JAK1: variants seen among roughly 807,000 people sequenced by gnomAD.
JAK1 encodes the protein tyrosine-protein kinase JAK1.
Under a neutral mutation model 136.6 loss-of-function variants are expected in JAK1, and 16 were observed. That is an observed-to-expected ratio of 0.12 (90% CI 0.08 to 0.18). The LOEUF is 0.18. Among genes scored for constraint, JAK1 ranks in the 10% least tolerant of loss-of-function variants. The pLI, the probability that JAK1 is intolerant of heterozygous loss-of-function variation, is 1.00. For synonymous variants in JAK1, 492 were observed against 519.5 expected, an observed-to-expected ratio of 0.95 and a Z score of 0.72; for missense variants, 859 against 1,450.1, an observed-to-expected ratio of 0.59 and a Z score of 6.62.
At chr1:64,875,290 A>C (rs1374257934) in intron 4 of JAK1, among the ~76,000 whole-genome samples, 1 of 152,238 alleles carries the variant, frequency 6.6e-6, no homozygotes, top group East Asian at 1.9e-4. Flanking sequence ...TGGACCATGC[A>C]AAGCAGGCAG....
intron 1 of JAK1, among the ~76,000 whole-genome samples, chr1:64,947,299 T>G (rs1381191484): frequency 6.6e-6 from 1 of 152,204 alleles, no homozygotes; most frequent in Non-Finnish European, 1.5e-5. Context: ...TAGAAACTTC[T>G]CATACCAGGT....
chr1:65,017,381 T>G (rs1485314302), intron 2 of JAK1, among the ~76,000 whole-genome samples: 2 of 152,088 alleles, frequency 1.3e-5, no homozygotes, highest in Admixed American at 1.3e-4. Context: ...GGTATGAGAA[T>G]TGCTTGAACC....
chr1:64,920,966 T>C (rs1322364688), intron 1 of JAK1, among the ~76,000 whole-genome samples: 1 of 152,218 alleles, frequency 6.6e-6, no homozygotes, highest in Non-Finnish European at 1.5e-5. Flanking sequence ...ACAGTCTAAG[T>C]TCTAAAAGCT....
At position 64,880,974 on chromosome 1, in the gene JAK1, T is replaced by G. The variant is rs148904056; in HGVS notation, c.206-1826A>C. On this transcript the variant is annotated intron_variant, in intron 3 of 24. Coordinates refer to ENST00000342505, the MANE Select transcript of JAK1 (RefSeq NM_002227.4). ...ACAAACAAACAAATAAATAAATAAA[T>G]AAATAATTTTTTGGCTGAGTTTGGT... Among the ~76,000 whole-genome samples the G allele has an allele frequency of 1.5e-4, 23 of 151,884 alleles. 1 individual carries two copies. In the East Asian group the frequency reaches 4.3e-3, roughly 28 times the overall value.
At chr1:64,873,239 G>T in intron 5 of JAK1, 131 bp downstream of exon 5, 1 of 1,012,460 alleles carries the variant, frequency 9.9e-7, no homozygotes, top group Non-Finnish European at 1.5e-6. Flanking sequence ...TCCAGGTGTG[G>T]CAAGAACTTA....
rs1646596414 is a variant in JAK1 at position 64,986,102 on chromosome 1, T to C, written c.-78+58378A>G. 3.1e-5 allele frequency: 26 copies of C among 839,564 alleles called. No homozygotes were observed. In the South Asian group the frequency reaches 3.8e-4, roughly 12 times the overall value. 52.0% of individuals were successfully genotyped at this position (839,564 alleles called of 1,614,324 possible). On this transcript the variant is annotated intron_variant, in intron 2 of 25. Transcript: ENST00000671954. ...CCTTCTATGTCCCCCATGGCCTCAA[T>C]CTAATTGTTTTTTTTTTTTTTGGAC...
chr1:64,968,078 C>G (rs1646413635), upstream of JAK1, among the ~76,000 whole-genome samples: 1 of 152,054 alleles, frequency 6.6e-6, no homozygotes, highest in African/African-American at 2.4e-5. Context: ...CCATAAAGAA[C>G]AGGTGAGACT....
At chr1:64,916,683 C>T (rs1254236276) in intron 1 of JAK1, among the ~76,000 whole-genome samples, 2 of 151,770 alleles carry the variant, frequency 1.3e-5, no homozygotes, top group Admixed American at 1.3e-4. Flanking sequence ...GCTAAAAATA[C>T]AAAAATTAGC....
chr1:65,051,121 A>G (rs1217721340), intron 1 of JAK1, among the ~76,000 whole-genome samples: 1 of 152,138 alleles, frequency 6.6e-6, no homozygotes, highest in Non-Finnish European at 1.5e-5. Flanking sequence ...ATTTAACAGT[A>G]GCAAATTTTA....
In JAK1 at chr1:64,836,199, A is replaced by C. The variant is rs1654468318; in HGVS notation, c.3157T>G (p.Leu1053Val). Reference protein sequence around the residue: ...SPVFWYAPECLMQSKFYIASD... With the variant: ...SPVFWYAPECVMQSKFYIASD... ...GCAATATAAAATTTAGATTGCATTAAACATTCTGGAGCATACCTTGAAAGG... is the reference window on the plus strand; with the variant it reads ...GCAATATAAAATTTAGATTGCATTACACATTCTGGAGCATACCTTGAAAGG... Residue 1053 changes from leucine to valine, a missense_variant, in exon 23 of 25, where the codon TTA becomes GTA. Leu to Val is a conservative substitution (Grantham distance 32, BLOSUM62 1). This residue lies in a region of JAK1 where 44 missense variants were observed against 137.6 expected (regional missense o/e 0.32). Coordinates refer to ENST00000342505, the MANE Select transcript of JAK1 (RefSeq NM_002227.4). 1 of 1,606,336 alleles carries C rather than the reference A, an allele frequency of 6.2e-7. No individual in the cohort carries two copies. The highest frequency in any genetic ancestry group is 1.3e-5 in the African/African-American group (1 of 74,770).
chr1:65,018,538 G>T (rs1254323854), intron 2 of JAK1, among the ~76,000 whole-genome samples: 1 of 151,074 alleles, frequency 6.6e-6, no homozygotes, highest in East Asian at 1.9e-4. Context: ...GTGAAAAAGG[G>T]GATATTACTC....
chr1:64,982,547 G>C (rs77157179), intron 2 of JAK1, among the ~76,000 whole-genome samples: 6,840 of 152,188 alleles, frequency 0.045, 361 homozygotes, highest in East Asian at 0.27. Flanking sequence ...TAAAATACGA[G>C]GAAGTTCTCT....
At chr1:64,859,134 A>G (rs1340332652) in intron 9 of JAK1, among the ~76,000 whole-genome samples, 1 of 152,236 alleles carries the variant, frequency 6.6e-6, no homozygotes, top group Non-Finnish European at 1.5e-5. Context: ...CCTGTCCACA[A>G]GGCAGCCGGA....
intron 1 of JAK1, among the ~76,000 whole-genome samples, chr1:65,052,028 T>G (rs1647301835): frequency 6.6e-6 from 1 of 151,704 alleles, no homozygotes; most frequent in South Asian, 2.1e-4. Context: ...CCATCCTAGC[T>G]CACTGCAGCA....
intron 2 of JAK1, among the ~76,000 whole-genome samples, chr1:65,034,558 A>G (rs1331748336): frequency 6.6e-6 from 1 of 152,222 alleles, no homozygotes; most frequent in Non-Finnish European, 1.5e-5. Flanking sequence ...GAAAGGTACT[A>G]CAGGGTAGCT....
At chr1:65,010,036 TG>T (rs1046198969) in intron 2 of JAK1, among the ~76,000 whole-genome samples, 2 of 152,210 alleles carry the variant, frequency 1.3e-5, no homozygotes, top group African/African-American at 4.8e-5. Context: ...ATCCCCATTT[TG>T]TTGCTGATAT....
At chr1:64,925,257 A>T (rs1341942888) in intron 1 of JAK1, among the ~76,000 whole-genome samples, 1 of 151,134 alleles carries the variant, frequency 6.6e-6, no homozygotes, top group Admixed American at 6.6e-5. Flanking sequence ...AAATACAAAA[A>T]GTTAGCAGGG....
chr1:64,879,037 T>A lies in JAK1; in HGVS notation c.317A>T (p.His106Leu), dbSNP rs2101215219. ...TVDDKMSLRLHYRMRFYFTNW... is the reference protein window; with the variant it reads ...TVDDKMSLRLLYRMRFYFTNW... Reference sequence around the variant, plus strand: ...GTACTTCCCATACCTCATCCGGTAGTGGAGCCGGAGGGACATCTTGTCATC... The same window carrying A: ...GTACTTCCCATACCTCATCCGGTAGAGGAGCCGGAGGGACATCTTGTCATC... The change falls in exon 4 of 25, where the codon CAC becomes CTC. Residue 106 changes from histidine (H) to leucine (L), a missense_variant. Around this residue, in one of 4 missense-constraint regions of JAK1, gnomAD observed 353 missense variants for 494.0 expected, o/e 0.71. Transcript: ENST00000342505. 1 of 1,614,054 alleles carries A rather than the reference T, an allele frequency of 6.2e-7. No individual in the cohort carries two copies. Among genetic ancestry groups the A allele is most frequent in the Non-Finnish European group, 8.5e-7 (1 of 1,179,976 alleles).
chr1:64,973,293 G>C (rs940419531), intron 2 of JAK1, among the ~76,000 whole-genome samples: 1 of 143,838 alleles, frequency 7.0e-6, no homozygotes. Flanking sequence ...AAGAAAGGGC[G>C]AGAAAGAAAG....
Sources: allele counts gnomAD v4.1 joint callset (sites outside exome capture counted in the v4.1 genomes callset), GRCh38; gene constraint gnomAD v4.1.1; regional missense constraint gnomAD v4.1.1; transcripts MANE v1.5; gene names NCBI Gene and HGNC (gene_info 2026-07-23, HGNC 2026-07-21).